ZFPM2: variants seen among roughly 807,000 people sequenced by gnomAD.
ZFPM2 encodes zinc finger protein, FOG family member 2, also known as zinc finger protein ZFPM2.
A neutral mutation model predicts 98.6 loss-of-function variants in ZFPM2; 20 were observed. That is an observed-to-expected ratio of 0.20 (90% CI 0.14 to 0.29). The LOEUF (loss-of-function observed/expected upper bound fraction) is 0.29, where lower values mean the gene tolerates loss of function less well. Ranked by LOEUF, ZFPM2 falls within the 10% of genes least tolerant of loss-of-function variation. ZFPM2 has a pLI of 1.00. For missense variants in ZFPM2, 1,310 were observed against 1,388.6 expected (o/e 0.94, Z 0.90); for synonymous variants, 518 against 502.7 (o/e 1.03, Z -0.41).
chr8:105,458,784 T>A (rs1266493156), intron 3 of ZFPM2, among the ~76,000 whole-genome samples: 1 of 152,116 alleles, frequency 6.6e-6, no homozygotes, highest in Non-Finnish European at 1.5e-5. Context: ...TTCAGAGTCT[T>A]TGCTCTTTCA....
At chr8:105,397,731 C>A in intron 1 of ZFPM2, among the ~76,000 whole-genome samples, 1 of 152,040 alleles carries the variant, frequency 6.6e-6, no homozygotes. Context: ...GTGCCATATA[C>A]AAGACTTATA....
intron 1 of ZFPM2, among the ~76,000 whole-genome samples, chr8:105,397,888 C>T (rs200846436): frequency 6.6e-6 from 1 of 152,010 alleles, no homozygotes. Flanking sequence ...GCATATACCA[C>T]GGACAAATCA....
chr8:105,368,179 A>G (rs1810545597), intron 1 of ZFPM2, among the ~76,000 whole-genome samples: 1 of 143,220 alleles, frequency 7.0e-6, no homozygotes, highest in South Asian at 2.4e-4. Flanking sequence ...ATATTGGTCT[A>G]AAATTCTCTT....
At chr8:105,356,930 C>A (rs1221893175) in intron 1 of ZFPM2, among the ~76,000 whole-genome samples, 1 of 152,168 alleles carries the variant, frequency 6.6e-6, no homozygotes, top group African/African-American at 2.4e-5. Context: ...AAACAATTAA[C>A]AGCATGTCAT....
chr8:105,514,782 G>A (rs1813887136), intron 3 of ZFPM2, among the ~76,000 whole-genome samples: 1 of 152,128 alleles, frequency 6.6e-6, no homozygotes, highest in African/African-American at 2.4e-5. Context: ...ATGTCTCCCT[G>A]TGTGAATGTT....
intron 1 of ZFPM2, among the ~76,000 whole-genome samples, chr8:105,356,790 A>G (rs1227159755): frequency 1.3e-5 from 2 of 151,878 alleles, no homozygotes; most frequent in Non-Finnish European, 2.9e-5. Flanking sequence ...TCTTTACCCA[A>G]TCCATTTCTA....
intron 3 of ZFPM2, among the ~76,000 whole-genome samples, chr8:105,494,092 C>G (rs955049478): frequency 6.7e-6 from 1 of 149,644 alleles, no homozygotes; most frequent in African/African-American, 2.5e-5. Flanking sequence ...CCTGTGCATG[C>G]TTCCTGGTGA....
chr8:105,386,710 G>T (rs1444072280), intron 1 of ZFPM2, among the ~76,000 whole-genome samples: 1 of 152,180 alleles, frequency 6.6e-6, no homozygotes, highest in Non-Finnish European at 1.5e-5. Flanking sequence ...GGCTGGGGCA[G>T]CCTGCTTTTA....
At chr8:105,426,670 C>T (rs1184066386) in intron 2 of ZFPM2, among the ~76,000 whole-genome samples, 5 of 152,026 alleles carry the variant, frequency 3.3e-5, no homozygotes, top group African/African-American at 7.2e-5. Flanking sequence ...TCCTATAGGC[C>T]GGGGCGGTGG....
chr8:105,516,596 T>C (rs1398466424), intron 3 of ZFPM2, among the ~76,000 whole-genome samples: 1 of 152,200 alleles, frequency 6.6e-6, no homozygotes, highest in Admixed American at 6.5e-5. Context: ...TTCTGATGTC[T>C]CAGTCTGTCC....
chr8:105,789,150 A>G, intron 6 of ZFPM2: 1 of 381,894 alleles, frequency 2.6e-6, no homozygotes. Flanking sequence ...TTAGTTACAT[A>G]TGTATACATG....
At chr8:105,416,453 A>G (rs1355523467) in intron 1 of ZFPM2, among the ~76,000 whole-genome samples, 1 of 151,704 alleles carries the variant, frequency 6.6e-6, no homozygotes, top group Non-Finnish European at 1.5e-5. Flanking sequence ...TAAACATTGT[A>G]TAATATGTAT....
chr8:105,689,634 TTGG>T (rs1309964780), intron 5 of ZFPM2, among the ~76,000 whole-genome samples: 1 of 152,166 alleles, frequency 6.6e-6, no homozygotes, highest in Non-Finnish European at 1.5e-5. Flanking sequence ...CATGATTAAG[TTGG>T]TGGTGTTCAT....
At chr8:105,360,069 G>C (rs1436935446) in intron 1 of ZFPM2, among the ~76,000 whole-genome samples, 1 of 152,104 alleles carries the variant, frequency 6.6e-6, no homozygotes, top group Non-Finnish European at 1.5e-5. Context: ...TTTCATTTTG[G>C]TACATGGCTC....
chr8:105,525,776 TG>T (rs1423454776), intron 3 of ZFPM2, among the ~76,000 whole-genome samples: 2 of 152,188 alleles, frequency 1.3e-5, no homozygotes, highest in Non-Finnish European at 2.9e-5. Context: ...CAAACCAGTG[TG>T]GTGATGTCCC....
intron 5 of ZFPM2, among the ~76,000 whole-genome samples, chr8:105,773,155 CAAAACTATTTT>C (rs1231720044): frequency 7.2e-5 from 11 of 152,120 alleles, no homozygotes; most frequent in African/African-American, 2.7e-4. Context: ...GTTACTTTTT[CAAAACTATTTT>C]CTTACCAAAC....
At chr8:105,739,391 G>C (rs935609051) in intron 5 of ZFPM2, among the ~76,000 whole-genome samples, 1 of 151,956 alleles carries the variant, frequency 6.6e-6, no homozygotes, top group Non-Finnish European at 1.5e-5. Context: ...GTACACATCT[G>C]TATGAGTACT....
chr8:105,550,005 T>C (rs76684073), intron 3 of ZFPM2, among the ~76,000 whole-genome samples: 5,315 of 152,240 alleles, frequency 0.035, 139 homozygotes, highest in African/African-American at 0.064. Flanking sequence ...TATACTAAAA[T>C]ACAACATTGA....
intron 5 of ZFPM2, among the ~76,000 whole-genome samples, chr8:105,647,487 CA>C (rs1817070766): frequency 6.6e-6 from 1 of 151,720 alleles, no homozygotes; most frequent in South Asian, 2.1e-4. Flanking sequence ...ATTAACTCAT[CA>C]TTTACATTAG....
Sources: allele counts gnomAD v4.1 joint callset (sites outside exome capture counted in the v4.1 genomes callset), GRCh38; gene constraint gnomAD v4.1.1; transcripts MANE v1.5; gene names NCBI Gene and HGNC (gene_info 2026-07-23, HGNC 2026-07-21).